LIMCH1: variants seen among roughly 807,000 people sequenced by gnomAD.
LIMCH1 encodes the protein LIM and calponin homology domains-containing protein 1.
Under a neutral mutation model 176.5 loss-of-function variants are expected in LIMCH1, and 113 were observed. The ratio of observed to expected loss-of-function variants is 0.64; its 90% CI spans 0.55 to 0.75. The LOEUF is 0.75. Ranked by LOEUF, LIMCH1 falls within the 30% of genes least tolerant of loss-of-function variation. The pLI is 0.00. For synonymous variants in LIMCH1, 619 were observed against 645.9 expected (o/e 0.96, Z 0.63); for missense variants, 1,674 against 1,814.9 (o/e 0.92, Z 1.41).
At chr4:41,419,573 TCCTTCCTTCCTTCCTTCCTTCCTTC>T in intron 1 of LIMCH1, among the ~76,000 whole-genome samples, 1 of 74,922 alleles carries the variant, frequency 1.3e-5, no homozygotes, top group East Asian at 3.4e-4. Flanking sequence ...CTTCCTTCCT[TCCTTCCTTCCTTCCTTCCTTCCTTC>T]CTTCCGTCCT....
chr4:41,386,766 A>G (rs2056550110), intron 1 of LIMCH1, among the ~76,000 whole-genome samples: 1 of 152,210 alleles, frequency 6.6e-6, no homozygotes, highest in African/African-American at 2.4e-5. Flanking sequence ...GAAAATATGG[A>G]TATTTAGCAA....
chr4:41,695,308 G>A (rs1007299791), intron 31 of LIMCH1, among the ~76,000 whole-genome samples: 1 of 150,788 alleles, frequency 6.6e-6, no homozygotes, highest in South Asian at 2.1e-4. Context: ...AAATTTAGCT[G>A]AGATTTCTTC....
At chr4:41,441,068 G>A (rs1011133188) in intron 1 of LIMCH1, among the ~76,000 whole-genome samples, 2 of 152,066 alleles carry the variant, frequency 1.3e-5, no homozygotes, top group African/African-American at 4.8e-5. Flanking sequence ...GCATGTGTAG[G>A]TATGAATGAC....
intron 1 of LIMCH1, among the ~76,000 whole-genome samples, chr4:41,450,578 G>GA (rs2063754883): frequency 6.6e-6 from 1 of 151,848 alleles, no homozygotes; most frequent in South Asian, 2.1e-4. Flanking sequence ...GAGGCGGGCG[G>GA]ATCACTTGAG....
chr4:41,620,253 T>C, intron 6 of LIMCH1, 171 bp from the exon 7 acceptor site: 1 of 660,570 alleles, frequency 1.5e-6, no homozygotes, highest in Non-Finnish European at 2.5e-6. Context: ...TGATGCATTG[T>C]ATGAATTAAA....
chr4:41,621,113 T>C (rs2092544864), intron 7 of LIMCH1, among the ~76,000 whole-genome samples: 1 of 152,238 alleles, frequency 6.6e-6, no homozygotes, highest in South Asian at 2.1e-4. Flanking sequence ...ACACTCTCTT[T>C]AGAGAGTGGC....
At chr4:41,633,931 C>A in intron 13 of LIMCH1, 123 bp downstream of exon 13, 1 of 1,137,782 alleles carries the variant, frequency 8.8e-7, no homozygotes, top group Non-Finnish European at 1.2e-6. Context: ...ACAGAATGAT[C>A]AAAATTGGCC....
chr4:41,534,116 A>T (rs1326298616), upstream of LIMCH1, among the ~76,000 whole-genome samples: 1 of 152,224 alleles, frequency 6.6e-6, no homozygotes, highest in Non-Finnish European at 1.5e-5. Flanking sequence ...TTATGGCAAG[A>T]TACCAGCAAT....
chr4:41,402,831 TG>T (rs2058593279), intron 1 of LIMCH1, among the ~76,000 whole-genome samples: 1 of 56,934 alleles, frequency 1.8e-5, no homozygotes, highest in Non-Finnish European at 3.3e-5. Flanking sequence ...TGTTGTGGGG[TG>T]GGGGGAGGGG....
chr4:41,448,928 A>C (rs900856852), intron 1 of LIMCH1, among the ~76,000 whole-genome samples: 3 of 152,084 alleles, frequency 2.0e-5, no homozygotes, highest in African/African-American at 7.2e-5. Context: ...TTCAGGCTTT[A>C]AAAAAAGAAA....
chr4:41,496,473 G>C (rs1158862700), intron 2 of LIMCH1, among the ~76,000 whole-genome samples: 1 of 152,198 alleles, frequency 6.6e-6, no homozygotes, highest in Non-Finnish European at 1.5e-5. Flanking sequence ...GTGAACCTCT[G>C]CTAGGTCCTT....
chr4:41,535,033 A>G (rs1286038979), upstream of LIMCH1, among the ~76,000 whole-genome samples: 2 of 151,858 alleles, frequency 1.3e-5, no homozygotes, highest in East Asian at 3.9e-4. Context: ...ATGGTTGTGC[A>G]TGCCTGTAGT....
intron 1 of LIMCH1, among the ~76,000 whole-genome samples, chr4:41,549,222 C>G (rs2080039100): frequency 6.6e-6 from 1 of 152,114 alleles, no homozygotes; most frequent in Admixed American, 6.6e-5. Flanking sequence ...TATTTAGTAC[C>G]TACAATATGC....
At chr4:41,564,470 G>A (rs1159079486) in intron 1 of LIMCH1, among the ~76,000 whole-genome samples, 1 of 152,158 alleles carries the variant, frequency 6.6e-6, no homozygotes, top group East Asian at 1.9e-4. Context: ...AAGGGTCTGT[G>A]CTTGGTTCTG....
intron 1 of LIMCH1, among the ~76,000 whole-genome samples, chr4:41,569,739 C>G (rs923160759): frequency 2.0e-5 from 3 of 151,908 alleles, no homozygotes; most frequent in African/African-American, 7.3e-5. Context: ...AAGTGGGTTT[C>G]AAAGATAATG....
chr4:41,512,794 C>T (rs1583334381), intron 2 of LIMCH1, among the ~76,000 whole-genome samples: 2 of 152,134 alleles, frequency 1.3e-5, no homozygotes, highest in East Asian at 3.8e-4. Flanking sequence ...TTTGGGGCTT[C>T]TGCTAGTGGA....
chr4:41,531,337 C>A (rs1328254925), intron 3 of LIMCH1, among the ~76,000 whole-genome samples: 1 of 151,928 alleles, frequency 6.6e-6, no homozygotes, highest in African/African-American at 2.4e-5. Context: ...TGTGGCCATA[C>A]CTAACAAGTG....
intron 1 of LIMCH1, among the ~76,000 whole-genome samples, chr4:41,548,613 C>A (rs1010977054): frequency 6.6e-6 from 1 of 152,132 alleles, no homozygotes; most frequent in East Asian, 1.9e-4. Context: ...AATTTATAAA[C>A]CCTTGGCCAG....
At chr4:41,408,851 A>G (rs1308460007) in intron 1 of LIMCH1, among the ~76,000 whole-genome samples, 1 of 152,192 alleles carries the variant, frequency 6.6e-6, no homozygotes, top group Non-Finnish European at 1.5e-5. Context: ...TGGCCCCAAC[A>G]AACTATTGCC....
Sources: allele counts gnomAD v4.1 joint callset (sites outside exome capture counted in the v4.1 genomes callset), GRCh38; gene constraint gnomAD v4.1.1; transcripts MANE v1.5; gene names NCBI Gene and HGNC (gene_info 2026-07-23, HGNC 2026-07-21).